The following WDTC1 variants were observed in gnomAD, a reference collection of about 807,000 sequenced individuals.
WDTC1 encodes the protein WD and tetratricopeptide repeats 1, also known as WD and tetratricopeptide repeats protein 1.
WDTC1 carries 12 observed loss-of-function variants against 76.0 expected under a neutral mutation model. The ratio of observed to expected loss-of-function variants is 0.16; its 90% CI spans 0.10 to 0.26. WDTC1 has a LOEUF of 0.26. WDTC1 is among the 10% of genes least tolerant of loss of function. The pLI is 1.00. For synonymous variants in WDTC1, 326 were observed against 350.8 expected (o/e 0.93, Z 0.79); for missense variants, 511 against 908.8 (o/e 0.56, Z 5.63).
In WDTC1 at chr1:27,306,394, C is replaced by T. The variant is rs2013956945; in HGVS notation, c.*11C>T. 6.2e-7 allele frequency: 1 copy of T among 1,608,474 alleles called. No individual in the cohort carries two copies. Among genetic ancestry groups the T allele is most frequent in the South Asian group, 1.1e-5 (1 of 90,972 alleles). On this transcript the variant is annotated 3_prime_UTR_variant, in exon 16 of 16. Transcript: ENST00000319394. This position sits in a 1 kb window ranked among gnomAD's most constrained non-coding sequence, Gnocchi z 5.0. ...TGCCGGCCCAGCTAGACCCTCCAGC[C>T]CTGGTCCCCAGCCCCTGCTACTGGC... is the stretch of plus-strand genomic sequence containing the variant.
At chr1:27,269,164 CAAAAAAAAA>C (rs34447091) in intron 3 of WDTC1, among the ~76,000 whole-genome samples, 624 of 58,862 alleles carry the variant, frequency 0.011, 8 homozygotes, top group East Asian at 0.081. Flanking sequence ...CCTGTTTCTC[CAAAAAAAAA>C]AAAAAAAAAA....
chr1:27,253,333 G>GCTTCTTCTTTCTTCTTTCTTCTTTCTT (rs1557481281), intron 1 of WDTC1, among the ~76,000 whole-genome samples: 1 of 147,204 alleles, frequency 6.8e-6, no homozygotes, highest in African/African-American at 2.6e-5. Flanking sequence ...CTCTGTTTCT[G>GCTTCTTCTTTCTTCTTTCTTCTTTCTT]CTTCTTCTTC....
intron 3 of WDTC1, among the ~76,000 whole-genome samples, chr1:27,269,836 G>A (rs1278378896): frequency 6.6e-6 from 1 of 151,614 alleles, no homozygotes; most frequent in Non-Finnish European, 1.5e-5. Context: ...GGTCTTGAAC[G>A]CCTGACCTTG....
Position 27,301,474 on chromosome 1 carries a change from T to G in WDTC1, c.1468+13T>G. The G allele has an allele frequency of 6.2e-7, 1 of 1,609,346 alleles. No homozygotes were observed. The highest frequency in any genetic ancestry group is 8.5e-7 in the Non-Finnish European group (1 of 1,179,014). On this transcript the variant is annotated intron_variant, in intron 13 of 15. Transcript: ENST00000319394. The surrounding 1 kb of genome is among the most constrained non-coding windows in gnomAD (Gnocchi z 5.8). ...AAAAATGATGGTGGTGAGTGGGCACTGAGGAGGGGGTGCTGTTACTCTTTC... is the reference window on the plus strand; with the variant it reads ...AAAAATGATGGTGGTGAGTGGGCACGGAGGAGGGGGTGCTGTTACTCTTTC...
Position 27,303,772 on chromosome 1 carries a change from C to G in WDTC1, c.1620C>G (p.Ile540Met). 6.2e-7 allele frequency: 1 copy of G among 1,614,020 alleles called. No homozygotes were observed. Among genetic ancestry groups the G allele is most frequent in the Non-Finnish European group, 8.5e-7 (1 of 1,179,962 alleles). The part of the protein sequence containing the change: ...YCGHCNTTTD[I>M]KEANFFGSNA... ...GCCACTGCAACACCACCACGGATAT[C>G]AAAGAGGCCAATTTCTTTGGCAGGT... Residue 540 changes from isoleucine (I) to methionine (M), a missense_variant, in exon 14 of 16, where the codon ATC (isoleucine) becomes ATG (methionine). Transcript: ENST00000319394. This position sits in a 1 kb window ranked among gnomAD's most constrained non-coding sequence, Gnocchi z 4.8.
intron 12 of WDTC1, among the ~76,000 whole-genome samples, chr1:27,300,038 G>A (rs1365421441): frequency 6.6e-6 from 1 of 152,144 alleles, no homozygotes; most frequent in South Asian, 2.1e-4. Context: ...CTGCTCCTTC[G>A]TCAGAGCCAC....
In WDTC1 at chr1:27,287,747, C is replaced by G. The variant is rs2013383314; in HGVS notation, c.365C>G (p.Thr122Arg). The G allele has an allele frequency of 6.2e-7, 1 of 1,614,044 alleles. No homozygotes were observed. Among genetic ancestry groups the G allele is most frequent in the Admixed American group, 1.7e-5 (1 of 60,000 alleles). ...ADSKVHVHDLTVKETIHMFGD... is the reference protein window; with the variant it reads ...ADSKVHVHDLRVKETIHMFGD... ...TCTAAGGTGCATGTGCACGACCTGACAGTAAAGGAGACCATCCACATGTTT... is the reference window on the plus strand; with the variant it reads ...TCTAAGGTGCATGTGCACGACCTGAGAGTAAAGGAGACCATCCACATGTTT... Residue 122 changes from threonine (T) to arginine (R), a missense_variant, in exon 6 of 16, where the codon ACA becomes AGA. Transcript: ENST00000319394.
rs987568925 is a variant in WDTC1 at position 27,304,801 on chromosome 1, G to C, written c.1644-200G>C. 6 of 529,094 alleles carry C rather than the reference G, an allele frequency of 1.1e-5. No homozygotes were observed. The Admixed American group carries it at 1.3e-4, about 12-fold the overall frequency. 32.8% of individuals were successfully genotyped at this position (529,094 alleles called of 1,614,324 possible). On this transcript the variant is annotated intron_variant, in intron 14 of 15. Transcript: ENST00000319394. ...AGACTGTCTTGGAGAAATCCAGGTA[G>C]TCGCTGGCCCTAGGTTTAAGAGAAC... is the stretch of plus-strand genomic sequence containing the variant.
At chr1:27,252,565 A>G (rs1436838343) in intron 1 of WDTC1, among the ~76,000 whole-genome samples, 2 of 152,240 alleles carry the variant, frequency 1.3e-5, no homozygotes, top group South Asian at 2.1e-4. Context: ...TGGGAGGGCA[A>G]GGCAGGCAGA....
chr1:27,282,450 A>C (rs1182073664), intron 4 of WDTC1, among the ~76,000 whole-genome samples, 165 bp downstream of exon 4: 1 of 152,178 alleles, frequency 6.6e-6, no homozygotes, highest in African/African-American at 2.4e-5. Context: ...CAACACAATT[A>C]AACAATCTCA....
chr1:27,292,852 C>T (rs1334126631), intron 7 of WDTC1, among the ~76,000 whole-genome samples: 1 of 148,504 alleles, frequency 6.7e-6, no homozygotes, highest in Admixed American at 6.8e-5. Context: ...ACCTCTGCCT[C>T]CCGGGTTCAA....
intron 1 of WDTC1, among the ~76,000 whole-genome samples, chr1:27,257,613 G>T (rs918826475): frequency 6.6e-6 from 1 of 152,026 alleles, no homozygotes; most frequent in Non-Finnish European, 1.5e-5. Context: ...TAATCTGATG[G>T]CCAAAGACTC....
At chr1:27,284,189 T>A (rs2013267230) in intron 5 of WDTC1, among the ~76,000 whole-genome samples, 2 of 152,198 alleles carry the variant, frequency 1.3e-5, no homozygotes, top group African/African-American at 2.4e-5. Context: ...AACTGTCTAA[T>A]GCTTAGAGCT....
chr1:27,275,590 C>A (rs2012998767), intron 3 of WDTC1, among the ~76,000 whole-genome samples: 1 of 150,880 alleles, frequency 6.6e-6, no homozygotes, highest in South Asian at 2.1e-4. Flanking sequence ...TGCACTCTAA[C>A]CTGGGCGACA....
At chr1:27,235,107 G>C (rs1277860746) in intron 1 of WDTC1, among the ~76,000 whole-genome samples, 156 bp downstream of exon 1, 7 of 152,144 alleles carry the variant, frequency 4.6e-5, no homozygotes. Flanking sequence ...TGTCCCGAGA[G>C]GGGCCAGGCC....
chr1:27,304,034 C>T (rs761122737), intron 14 of WDTC1: 13 of 477,414 alleles, frequency 2.7e-5, no homozygotes, highest in Non-Finnish European at 4.4e-5. Flanking sequence ...GTAGAGCCTC[C>T]AGCGCAGTGC....
chr1:27,251,665 AAAC>A (rs2012067496), intron 1 of WDTC1, among the ~76,000 whole-genome samples: 1 of 152,094 alleles, frequency 6.6e-6, no homozygotes, highest in Non-Finnish European at 1.5e-5. Flanking sequence ...ATTTAGGAAA[AAAC>A]AATAATTAGC....
intron 1 of WDTC1, among the ~76,000 whole-genome samples, chr1:27,254,641 CT>C (rs1450986532): frequency 6.6e-6 from 1 of 150,946 alleles, no homozygotes. Context: ...TAAATTTTGA[CT>C]TTTTTTTTGA....
chr1:27,298,878 G>C (rs771077262), intron 12 of WDTC1, among the ~76,000 whole-genome samples: 1 of 152,102 alleles, frequency 6.6e-6, no homozygotes, highest in Non-Finnish European at 1.5e-5. Flanking sequence ...GTGTGCCATC[G>C]TCTGGCTGCA....
Sources: gnomAD v4.1 joint callset for allele counts (sites outside exome capture counted in the v4.1 genomes callset) on GRCh38, gnomAD v4.1.1 for gene constraint, Gnocchi (gnomAD v3.1) non-coding constraint, MANE v1.5 for transcripts, NCBI Gene and HGNC (gene_info 2026-07-23, HGNC 2026-07-21) for gene names.